LCT: variants seen among roughly 807,000 people sequenced by gnomAD.
LCT encodes the protein lactase/phlorizin hydrolase.
Under a neutral mutation model 173.0 loss-of-function variants are expected in LCT, and 90 were observed. That is an observed-to-expected ratio of 0.52 (90% CI 0.44 to 0.62). The LOEUF (loss-of-function observed/expected upper bound fraction) is 0.62, where lower values mean the gene tolerates loss of function less well. Among genes scored for constraint, LCT ranks in the 20% least tolerant of loss-of-function variants. The probability of loss-of-function intolerance (pLI) is 0.00; values close to 1 mark genes in which losing one functional copy is unlikely to be tolerated. For synonymous variants in LCT, 853 were observed against 957.6 expected (o/e 0.89, Z 2.02); for missense variants, 1,864 against 2,431.4 (o/e 0.77, Z 4.91).
intron 12 of LCT, 36 bp downstream of exon 12, chr2:135,800,571 C>G: frequency 2.0e-6 from 3 of 1,521,654 alleles, no homozygotes; most frequent in Non-Finnish European, 2.7e-6. Context: ...GAAAGATGGA[C>G]AAGAGTAAGA....
chr2:135,813,616 T>C (rs2077753420), intron 6 of LCT, among the ~76,000 whole-genome samples: 1 of 152,238 alleles, frequency 6.6e-6, no homozygotes, highest in African/African-American at 2.4e-5. Flanking sequence ...AGCTGTGTAG[T>C]AACTTCACAA....
Position 135,809,317 on chromosome 2 carries a change from G to A in LCT, c.3030C>T (p.Ser1010=). The change falls in exon 8 of 17, where the codon AGC becomes AGT. Residue 1010 remains serine (S), a synonymous_variant. Coordinates refer to ENST00000264162, the MANE Select transcript of LCT (RefSeq NM_002299.4). The surrounding 1 kb of genome is among the most constrained non-coding windows in gnomAD (Gnocchi z 5.5). ...YNRLINGLVA[S]NIFPMVTLFH... ...ACAATGTCACCATGGGAAAGATGTTGCTTGCCACCAAGCCATTGATCAGCC... is the reference window on the plus strand; with the variant it reads ...ACAATGTCACCATGGGAAAGATGTTACTTGCCACCAAGCCATTGATCAGCC... The A allele has an allele frequency of 6.2e-7, 1 of 1,614,208 alleles. No individual in the cohort carries two copies. Among genetic ancestry groups the A allele is most frequent in the African/African-American group, 1.3e-5 (1 of 75,070 alleles).
At chr2:135,830,548 G>C (rs1251830717) in intron 2 of LCT, among the ~76,000 whole-genome samples, 1 of 152,194 alleles carries the variant, frequency 6.6e-6, no homozygotes, top group East Asian at 1.9e-4. Context: ...AATGCCTAGT[G>C]TTCCATTATG....
Position 135,790,855 on chromosome 2 carries a change from G to A in LCT, c.5138C>T (p.Ser1713Leu), listed in dbSNP as rs1411153250. The change falls in exon 15 of 17, where the codon TCG becomes TTG. Residue 1713 changes from serine to leucine, a missense_variant. Around this residue, in one of 4 missense-constraint regions of LCT, gnomAD observed 514 missense variants for 750.1 expected, o/e 0.69. Coordinates refer to ENST00000264162, the MANE Select transcript of LCT (RefSeq NM_002299.4). This position sits in a 1 kb window ranked among gnomAD's most constrained non-coding sequence, Gnocchi z 4.1. ...CCAGAAGGAGCCAGAGTCTGGCCAC[G>A]AGCGATCTGCGATGGAAGCAACTCC... is the stretch of plus-strand genomic sequence containing the variant. ...DRGVASIADR[S>L]WPDSGSFWLK... The A allele has an allele frequency of 2.5e-6, 4 of 1,614,060 alleles. No individual in the cohort carries two copies. Among genetic ancestry groups the A allele is most frequent in the Non-Finnish European group, 3.4e-6 (4 of 1,179,968 alleles).
At chr2:135,813,973 C>T (rs573899210) in intron 6 of LCT, among the ~76,000 whole-genome samples, 116 of 152,316 alleles carry the variant, frequency 7.6e-4, no homozygotes, top group African/African-American at 1.1e-3. Flanking sequence ...GACTCTGTTA[C>T]TAACTTGTTA....
At chr2:135,801,947 C>T (rs927231820) in intron 11 of LCT, among the ~76,000 whole-genome samples, 11 of 152,094 alleles carry the variant, frequency 7.2e-5, no homozygotes, top group East Asian at 1.9e-4. Flanking sequence ...GCATGGCTCA[C>T]GGCAGCCTTG....
intron 2 of LCT, among the ~76,000 whole-genome samples, chr2:135,832,590 T>C: frequency 6.6e-6 from 1 of 151,082 alleles, no homozygotes; most frequent in Non-Finnish European, 1.5e-5. Flanking sequence ...GCTCAAGCAA[T>C]CCTCCCACCT....
In LCT at chr2:135,806,595, C is replaced by CTACATTTAGA. The variant is rs1320890640; in HGVS notation, c.4173+523_4173+532dup. On this transcript the variant is annotated intron_variant, in intron 9 of 16. Coordinates refer to ENST00000264162, the MANE Select transcript of LCT (RefSeq NM_002299.4). ...TATGCCATATTTTCACTGTGCCTTT[C>CTACATTTAGA]TACATTTAGATACATTTAGATACAC... 1.3e-4 allele frequency among the ~76,000 whole-genome samples: 20 copies of CTACATTTAGA among 152,258 alleles called. No homozygotes were observed. The East Asian group carries it at 3.1e-3, about 24-fold the overall frequency.
intron 13 of LCT, among the ~76,000 whole-genome samples, chr2:135,796,584 C>T (rs897697541): frequency 1.3e-5 from 2 of 152,254 alleles, no homozygotes; most frequent in African/African-American, 4.8e-5. Context: ...TGTCAAGGCC[C>T]AGCTCAGCTG....
Position 135,797,730 on chromosome 2 carries a change from C to T in LCT, c.4976+299G>A, listed in dbSNP as rs1244138698. 2.6e-5 allele frequency among the ~76,000 whole-genome samples: 4 copies of T among 152,172 alleles called. No individual in the cohort carries two copies. The East Asian group carries it at 7.7e-4, about 29-fold the overall frequency. On this transcript the variant is annotated intron_variant, in intron 13 of 16. Transcript: ENST00000264162. Reference sequence around the variant, plus strand: ...TCAGCCACTGCCACCCACATTCACACGTGCGGTGATGAAATAGGATAGGAT... The same window carrying T: ...TCAGCCACTGCCACCCACATTCACATGTGCGGTGATGAAATAGGATAGGAT...
rs202245718 is a variant in LCT, at chr2:135,807,215, G to A, written c.4086C>T (p.Asn1362=). 15 of 1,614,208 alleles carry A rather than the reference G, an allele frequency of 9.3e-6. No individual in the cohort carries two copies. In the Admixed American group the frequency reaches 1.0e-4, roughly 11 times the overall value. Residue 1362 remains asparagine (N), a synonymous_variant, in exon 9 of 17, where the codon AAC becomes AAT. Coordinates refer to ENST00000264162, the MANE Select transcript of LCT (RefSeq NM_002299.4). ...ARYYTEVITN[N]GMPLAREDEF... ...CATCCTCCCTGGCCAGTGGCATGCC[G>A]TTGTTGGTAATGACCTCTGTGTAGT...
chr2:135,789,904 C>T, intron 15 of LCT, 106 bp from the exon 16 acceptor site: 1 of 866,836 alleles, frequency 1.2e-6, no homozygotes, highest in Non-Finnish European at 2.0e-6. Context: ...ACCGCCTTCA[C>T]AGATGGCGGT....
intron 5 of LCT, 53 bp downstream of exon 5, chr2:135,821,965 CAG>C (rs2077836737): frequency 9.7e-7 from 1 of 1,031,534 alleles, no homozygotes. Context: ...GTAAAAGAAA[CAG>C]AGTATTCTAC....
At position 135,807,175 on chromosome 2, in the gene LCT, G is replaced by T; in HGVS notation, c.4126C>A (p.Arg1376=). 3 of 1,614,230 alleles carry T rather than the reference G, an allele frequency of 1.9e-6. No homozygotes were observed. Among genetic ancestry groups the T allele is most frequent in the South Asian group, 2.2e-5 (2 of 91,082 alleles). ...LAREDEFLYG[R]FPEGFIWSAA... ...CTCCAGATGAAGCCCTCAGGAAACC[G>T]TCCGTACAGAAACTCATCCTCCCTG... The change falls in exon 9 of 17, where the codon CGG becomes AGG. Residue 1376 remains arginine (R), a synonymous_variant. Coordinates refer to ENST00000264162, the MANE Select transcript of LCT (RefSeq NM_002299.4).
chr2:135,792,676 G>T (rs1401636583), intron 14 of LCT, among the ~76,000 whole-genome samples: 3 of 152,114 alleles, frequency 2.0e-5, no homozygotes, highest in Non-Finnish European at 4.4e-5. Flanking sequence ...TAATACCCCT[G>T]GGAACAGAAC....
intron 6 of LCT, among the ~76,000 whole-genome samples, chr2:135,816,990 T>A (rs900854644): frequency 3.9e-5 from 6 of 152,054 alleles, no homozygotes; most frequent in African/African-American, 1.4e-4. Flanking sequence ...CACCTCAGTC[T>A]CCTGGGTAGG....
chr2:135,791,516 T>C (rs2077532999), intron 14 of LCT, among the ~76,000 whole-genome samples: 1 of 151,918 alleles, frequency 6.6e-6, no homozygotes, highest in South Asian at 2.1e-4. Context: ...ATATGTCAAA[T>C]AAGAACCAAG....
At chr2:135,791,565 A>G (rs1301452127) in intron 14 of LCT, among the ~76,000 whole-genome samples, 1 of 152,244 alleles carries the variant, frequency 6.6e-6, no homozygotes, top group East Asian at 1.9e-4. Context: ...TTCAGGGAAA[A>G]AAAAAATGTT....
At chr2:135,793,252 T>C (rs2077547387) in intron 14 of LCT, among the ~76,000 whole-genome samples, 1 of 152,236 alleles carries the variant, frequency 6.6e-6, no homozygotes, top group Non-Finnish European at 1.5e-5. Context: ...GAGCAGGTGC[T>C]GGTATCCATG....
Sources: gnomAD v4.1 joint callset for allele counts (sites outside exome capture counted in the v4.1 genomes callset) on GRCh38, gnomAD v4.1.1 for gene constraint, gnomAD v4.1.1 regional missense constraint, Gnocchi (gnomAD v3.1) non-coding constraint, MANE v1.5 for transcripts, NCBI Gene and HGNC (gene_info 2026-07-23, HGNC 2026-07-21) for gene names.